Variants in MPRIP observed in about 807,000 individuals in gnomAD.
MPRIP encodes the protein myosin phosphatase Rho-interacting protein.
MPRIP carries 59 observed loss-of-function variants against 234.9 expected under a neutral mutation model. The ratio of observed to expected loss-of-function variants is 0.25; its 90% confidence interval spans 0.20 to 0.31. The LOEUF (loss-of-function observed/expected upper bound fraction) is 0.31. MPRIP is among the 10% of genes least tolerant of loss of function. The pLI, the probability that MPRIP is intolerant of heterozygous loss-of-function variation, is 1.00. For missense variants in MPRIP, 2,436 were observed against 3,071.0 expected (o/e 0.79, Z 4.89); for synonymous variants, 1,144 against 1,263.9 (o/e 0.91, Z 2.01).
At chr17:17,144,816 A>G (rs770261042) in intron 9 of MPRIP, among the ~76,000 whole-genome samples, 2 of 152,218 alleles carry the variant, frequency 1.3e-5, no homozygotes, top group Non-Finnish European at 2.9e-5. Flanking sequence ...AGATCGCGCC[A>G]CTGCACTCCG....
chr17:17,055,475 C>T (rs751128087), intron 1 of MPRIP, among the ~76,000 whole-genome samples: 4 of 152,114 alleles, frequency 2.6e-5, no homozygotes, highest in Admixed American at 6.5e-5. Flanking sequence ...TGAGTGGGTC[C>T]CCTCAGCTGG....
chr17:17,160,659 G>C (rs140886606), intron 14 of MPRIP, among the ~76,000 whole-genome samples: 1 of 152,222 alleles, frequency 6.6e-6, no homozygotes. Context: ...AACTCTTTTT[G>C]CAAACAGAAC....
In MPRIP at chr17:17,188,126, C is replaced by T. The variant is rs1366479604; in HGVS notation, c.*3232C>T. ...CCACCCATGGTGCCCCAGCCCCAGG[C>T]AGGTGTGGAGACCAGCATTTCAGAG... is the stretch of plus-strand genomic sequence containing the variant. On this transcript the variant is annotated 3_prime_UTR_variant, in exon 24 of 24. Coordinates refer to ENST00000651222, the MANE Select transcript of MPRIP (RefSeq NM_001364716.4). 1 of 152,248 alleles carries T rather than the reference C, an allele frequency of 6.6e-6. No individual in the cohort carries two copies. Among genetic ancestry groups the T allele is most frequent in the Non-Finnish European group, 1.5e-5 (1 of 68,056 alleles). 9.4% of individuals were successfully genotyped at this position (152,248 alleles called of 1,614,324 possible). A position where few individuals can be genotyped will look rare whatever the true frequency, so the allele number is the denominator to read the frequency against.
intron 23 of MPRIP, 199 bp downstream of exon 23, chr17:17,180,287 A>T (rs1476984388): frequency 1.6e-6 from 1 of 606,512 alleles, no homozygotes; most frequent in Non-Finnish European, 2.9e-6. Context: ...ACCTCCTGGC[A>T]ATGACACTGA....
rs1317745022 is a variant in MPRIP, at chr17:17,185,116, G to T, written c.*222G>T. 4.9e-6 allele frequency: 2 copies of T among 409,432 alleles called. No individual in the cohort carries two copies. Among genetic ancestry groups the T allele is most frequent in the Non-Finnish European group, 9.2e-6 (2 of 216,228 alleles). The allele number at this position is 409,432 out of a possible 1,614,324, so 25.4% of individuals were successfully genotyped here. ...GTCTTCATCAAAGCTTTTTTCCGTG[G>T]TATTCTAAAATTAGGCCAGCAGTGG... On this transcript the variant is annotated 3_prime_UTR_variant, in exon 24 of 24. Transcript: ENST00000651222.
Position 17,142,858 on chromosome 17 carries a change from G to A in MPRIP, c.1389+93G>A, listed in dbSNP as rs535239889. On this transcript the variant is annotated intron_variant, in intron 8 of 23. Transcript: ENST00000651222. ...CCAAGTCCCCTCCACACAGGCCTGGGATGTGCTCCTGCCAGGCTTCTCTCC... is the reference window on the plus strand; with the variant it reads ...CCAAGTCCCCTCCACACAGGCCTGGAATGTGCTCCTGCCAGGCTTCTCTCC... 99 of 1,415,012 alleles carry A rather than the reference G, an allele frequency of 7.0e-5. No individual in the cohort carries two copies. The Middle Eastern group carries it at 9.0e-4, about 13-fold the overall frequency. 87.7% of individuals were successfully genotyped at this position (1,415,012 alleles called of 1,614,324 possible).
intron 17 of MPRIP, 54 bp from the exon 18 acceptor site, chr17:17,172,642 CCT>C (rs924059057): frequency 5.1e-5 from 73 of 1,428,076 alleles, no homozygotes; most frequent in African/African-American, 3.4e-4. Context: ...CACCCCCACC[CCT>C]GTCAGCAGGA....
At chr17:17,065,336 G>A (rs1422131982) in intron 1 of MPRIP, among the ~76,000 whole-genome samples, 1 of 144,232 alleles carries the variant, frequency 6.9e-6, no homozygotes, top group Non-Finnish European at 1.5e-5. Context: ...GTTTCATTTT[G>A]TCTTGTTTTT....
At chr17:17,100,380 C>T (rs1262362330) in intron 3 of MPRIP, among the ~76,000 whole-genome samples, 3 of 152,108 alleles carry the variant, frequency 2.0e-5, no homozygotes, top group South Asian at 2.1e-4. Flanking sequence ...TCAAAACAAA[C>T]GAAATTGGAT....
chr17:17,180,594 TCTC>T (rs2144709980), intron 23 of MPRIP: 1 of 1,612,370 alleles, frequency 6.2e-7, no homozygotes, highest in Non-Finnish European at 8.5e-7. Context: ...ATGTCTGCTC[TCTC>T]CTCTGACAGT....
At position 17,127,738 on chromosome 17, in the gene MPRIP, G is replaced by A. The variant is rs558726629; in HGVS notation, c.419+885G>A. Among the ~76,000 whole-genome samples the A allele has an allele frequency of 9.2e-5, 14 of 152,368 alleles. 1 individual carries two copies. The South Asian group carries it at 2.9e-3, about 32-fold the overall frequency. On this transcript the variant is annotated intron_variant, in intron 4 of 23. Coordinates refer to ENST00000651222, the MANE Select transcript of MPRIP (RefSeq NM_001364716.4). Reference sequence around the variant, plus strand: ...TTGCTGGGCCAGGCTGACTGTAGCAGTACAGAGTAGAGGGAATCAGGAATA... The same window carrying A: ...TTGCTGGGCCAGGCTGACTGTAGCAATACAGAGTAGAGGGAATCAGGAATA...
intron 3 of MPRIP, among the ~76,000 whole-genome samples, chr17:17,103,846 C>T (rs988017799): frequency 6.6e-6 from 1 of 152,206 alleles, no homozygotes; most frequent in African/African-American, 2.4e-5. Flanking sequence ...GATGCCCTCA[C>T]TTTATTTTAA....
At chr17:17,158,213 G>GTCCCCC (rs1198679129) in intron 13 of MPRIP, among the ~76,000 whole-genome samples, 3 of 138,400 alleles carry the variant, frequency 2.2e-5, no homozygotes, top group Non-Finnish European at 4.8e-5. Context: ...TCCCCTCCCC[G>GTCCCCC]TCCCCCTCCC....
intron 12 of MPRIP, among the ~76,000 whole-genome samples, chr17:17,152,810 A>G (rs2045631661): frequency 6.6e-6 from 1 of 152,224 alleles, no homozygotes. Flanking sequence ...AAAGCTGGGC[A>G]AGAAAGGAAG....
In MPRIP at chr17:17,054,847, C is replaced by T. The variant is rs560996072; in HGVS notation, c.123+11876C>T. ...GGCAGATTGCTTGAGCCCAGGAGTTCGAGATCAGCCTGGGCAAGACAGGGA... is the reference window on the plus strand; with the variant it reads ...GGCAGATTGCTTGAGCCCAGGAGTTTGAGATCAGCCTGGGCAAGACAGGGA... On this transcript the variant is annotated intron_variant, in intron 1 of 23. Coordinates refer to ENST00000651222, the MANE Select transcript of MPRIP (RefSeq NM_001364716.4). 6.2e-4 allele frequency among the ~76,000 whole-genome samples: 94 copies of T among 151,910 alleles called. 2 individuals carry two copies. The Middle Eastern group carries it at 0.031, about 49-fold the overall frequency.
chr17:17,063,823 G>A (rs573217377), intron 1 of MPRIP, among the ~76,000 whole-genome samples: 142 of 152,334 alleles, frequency 9.3e-4, no homozygotes, highest in Non-Finnish European at 1.0e-3. Flanking sequence ...AGAGACCTGT[G>A]CACGTCTGAG....
intron 5 of MPRIP, among the ~76,000 whole-genome samples, chr17:17,131,976 C>T (rs577281315): frequency 1.1e-4 from 17 of 152,330 alleles, no homozygotes; most frequent in African/African-American, 2.6e-4. Flanking sequence ...CCCCTCCCCT[C>T]GCTATCCTGC....
intron 1 of MPRIP, among the ~76,000 whole-genome samples, chr17:17,073,090 A>G (rs1237918789): frequency 6.6e-6 from 1 of 151,822 alleles, no homozygotes; most frequent in Non-Finnish European, 1.5e-5. Flanking sequence ...GCTGTCACCA[A>G]CCCCTTCCGC....
At position 17,167,980 on chromosome 17, in the gene MPRIP, T is replaced by G. The variant is rs942693007; in HGVS notation, c.6324+65T>G. ...TGATAATGGGGTGGGTGTGGGGACG[T>G]CTGGCTCAGCTACCGTGCAGGCAGA... On this transcript the variant is annotated intron_variant, in intron 16 of 23. Transcript: ENST00000651222. The surrounding 1 kb of genome is among the most constrained non-coding windows in gnomAD (Gnocchi z 5.9). 2 of 1,201,438 alleles carry G rather than the reference T, an allele frequency of 1.7e-6. No homozygotes were observed. The highest frequency in any genetic ancestry group is 3.1e-5 in the African/African-American group (2 of 63,864). The allele number at this position is 1,201,438 out of a possible 1,614,324, so 74.4% of individuals were successfully genotyped here.
Sources: gnomAD v4.1 joint callset for allele counts (sites outside exome capture counted in the v4.1 genomes callset) on GRCh38, gnomAD v4.1.1 for gene constraint, Gnocchi (gnomAD v3.1) non-coding constraint, MANE v1.5 for transcripts, NCBI Gene and HGNC (gene_info 2026-07-23, HGNC 2026-07-21) for gene names.